The following TRIM8 variants were observed in gnomAD, a reference collection of about 807,000 sequenced individuals.
The protein encoded by TRIM8 is tripartite motif containing 8.
A neutral mutation model predicts 55.7 loss-of-function variants in TRIM8; 9 were observed. The ratio of observed to expected loss-of-function variants is 0.16; its 90% CI spans 0.10 to 0.28. TRIM8 has a LOEUF of 0.28. Among genes scored for constraint, TRIM8 ranks in the 10% least tolerant of loss-of-function variants. TRIM8 has a pLI of 1.00. For missense variants in TRIM8, 556 were observed against 736.4 expected (o/e 0.76, Z 2.83); for synonymous variants, 335 against 333.3 (o/e 1.01, Z -0.06).
Position 102,644,587 on chromosome 10 carries a change from G to C in TRIM8, c.-31G>C. 6.2e-7 allele frequency: 1 copy of C among 1,600,386 alleles called. No individual in the cohort carries two copies. The highest frequency in any genetic ancestry group is 8.5e-7 in the Non-Finnish European group (1 of 1,174,428). ...ACCCCCGGGGCTGGGGAGTCGGGGA[G>C]GCCTGCCCCGGCCCCCTGCCCGCGG... is the stretch of plus-strand genomic sequence containing the variant. On this transcript the variant is annotated 5_prime_UTR_variant, in exon 1 of 6. Coordinates refer to ENST00000643721, the MANE Select transcript of TRIM8 (RefSeq NM_030912.3).
At chr10:102,646,095 G>A (rs1298100326) in intron 1 of TRIM8, among the ~76,000 whole-genome samples, 2 of 152,164 alleles carry the variant, frequency 1.3e-5, no homozygotes, top group Non-Finnish European at 2.9e-5. Context: ...CTGCGGCCGC[G>A]GCCAATGTCA....
intron 1 of TRIM8, chr10:102,649,126 T>C (rs2063960641): frequency 6.6e-6 from 1 of 152,288 alleles, no homozygotes; most frequent in Non-Finnish European, 1.5e-5. Context: ...CTCACATGGG[T>C]GTCTCTGAGA....
At chr10:102,655,962 C>T in intron 3 of TRIM8, 144 bp from the exon 4 acceptor site, 1 of 1,206,172 alleles carries the variant, frequency 8.3e-7, no homozygotes, top group Non-Finnish European at 1.2e-6. Flanking sequence ...ATGGCCACCC[C>T]TACCCCTGCC....
At position 102,650,309 on chromosome 10, in the gene TRIM8, T is replaced by TTTCCTGGGG. The variant is rs1483621933; in HGVS notation, c.571-4344_571-4343insTTCCTGGGG. Among the ~76,000 whole-genome samples the TTTCCTGGGG allele has an allele frequency of 3.3e-5, 5 of 152,152 alleles. No homozygotes were observed. In the East Asian group the frequency reaches 9.6e-4, roughly 29 times the overall value. On this transcript the variant is annotated intron_variant, in intron 1 of 5. Coordinates refer to ENST00000643721, the MANE Select transcript of TRIM8 (RefSeq NM_030912.3). ...TTTCCTGGGGCAGGAATGTAGGGGC[T>TTTCCTGGGG]CAGGGTTCGCTGCTCCAGGCCGGGA...
intron 1 of TRIM8, among the ~76,000 whole-genome samples, chr10:102,653,209 G>T (rs968975961): frequency 1.3e-5 from 2 of 152,182 alleles, no homozygotes; most frequent in African/African-American, 4.8e-5. Context: ...GCCCCACCCC[G>T]TAGCCAGGAC....
Position 102,658,173 on chromosome 10 carries a change from C to A in TRIM8, c.*819C>A, listed in dbSNP as rs2064044349. 6.6e-6 allele frequency: 1 copy of A among 152,212 alleles called. No individual in the cohort carries two copies. The highest frequency in any genetic ancestry group is 6.5e-5 in the Admixed American group (1 of 15,268). 9.4% of individuals were successfully genotyped at this position (152,212 alleles called of 1,614,324 possible). A position where few individuals can be genotyped will look rare whatever the true frequency, so the allele number is the denominator to read the frequency against. On this transcript the variant is annotated 3_prime_UTR_variant, in exon 6 of 6. Transcript: ENST00000643721. The stretch of plus-strand genomic sequence containing the variant: ...GGGCTGCCCGGAGTTGGGTCCTTGC[C>A]TGGATTTTGACACAGCAACTTCCTG...
At position 102,654,737 on chromosome 10, in the gene TRIM8, C is replaced by T. The variant is rs925748319; in HGVS notation, c.655C>T (p.Arg219Cys). The change falls in exon 2 of 6, where the codon CGC becomes TGC. Residue 219 changes from arginine (R) to cysteine (C), a missense_variant. Coordinates refer to ENST00000643721, the MANE Select transcript of TRIM8 (RefSeq NM_030912.3). ...GCTGTACAAACTCGAGTCAGACAAG[C>T]GCCTGGTGGAGGTAGCTAAGCCCAA... ...DQLYKLESDK[R>C]LVEEKVNQLK... The T allele has an allele frequency of 6.8e-6, 11 of 1,613,860 alleles. No individual in the cohort carries two copies. Among genetic ancestry groups the T allele is most frequent in the Non-Finnish European group, 9.3e-6 (11 of 1,179,750 alleles).
At position 102,658,046 on chromosome 10, in the gene TRIM8, A is replaced by G. The variant is rs1215566860; in HGVS notation, c.*692A>G. ...AGGAACTTTGCCAATGATAGTGACC[A>G]CAGCAAAAGCAAATAATAATAATAT... is the stretch of plus-strand genomic sequence containing the variant. On this transcript the variant is annotated 3_prime_UTR_variant, in exon 6 of 6. Transcript: ENST00000643721. 6.6e-6 allele frequency: 1 copy of G among 152,438 alleles called. No homozygotes were observed. The highest frequency in any genetic ancestry group is 1.5e-5 in the Non-Finnish European group (1 of 68,022). 9.4% of individuals were successfully genotyped at this position (152,438 alleles called of 1,614,324 possible). A position where few individuals can be genotyped will look rare whatever the true frequency, so the allele number is the denominator to read the frequency against.
At position 102,656,943 on chromosome 10, in the gene TRIM8, C is replaced by G. The variant is rs987663893; in HGVS notation, c.1245C>G (p.Pro415=). 1.2e-6 allele frequency: 2 copies of G among 1,610,452 alleles called. No individual in the cohort carries two copies. Among genetic ancestry groups the G allele is most frequent in the Non-Finnish European group, 1.7e-6 (2 of 1,178,420 alleles). The change falls in exon 6 of 6, where the codon CCC becomes CCG. Residue 415 remains proline (P), a synonymous_variant. Coordinates refer to ENST00000643721, the MANE Select transcript of TRIM8 (RefSeq NM_030912.3). The surrounding 1 kb of genome is among the most constrained non-coding windows in gnomAD (Gnocchi z 4.6). The part of the protein sequence containing the change: ...TASGEGQSGQ[P]LGPCSSTQHL... ...GCGGTGAGGGCCAGTCTGGGCAGCC[C>G]CTGGGGCCCTGCAGCTCCACGCAGC...
At chr10:102,653,036 T>A (rs1019259471) in intron 1 of TRIM8, among the ~76,000 whole-genome samples, 4 of 152,212 alleles carry the variant, frequency 2.6e-5, no homozygotes, top group Non-Finnish European at 5.9e-5. Context: ...CGACCTCAGG[T>A]GATCCGCCTG....
chr10:102,650,537 G>C (rs572301166), intron 1 of TRIM8, among the ~76,000 whole-genome samples: 1 of 152,300 alleles, frequency 6.6e-6, no homozygotes, highest in East Asian at 1.9e-4. Context: ...GGTGGCCTGG[G>C]GCCTCCAGAG....
At position 102,656,978 on chromosome 10, in the gene TRIM8, C is replaced by T. The variant is rs768556652; in HGVS notation, c.1280C>T (p.Ala427Val). 6.2e-7 allele frequency: 1 copy of T among 1,612,516 alleles called. No individual in the cohort carries two copies. The highest frequency in any genetic ancestry group is 8.5e-7 in the Non-Finnish European group (1 of 1,179,672). ...TGCAGCTCCACGCAGCACTTGGTGG[C>T]CCTGCCGGGCGGCGCCCAACCAGTG... ...GPCSSTQHLV[A>V]LPGGAQPVHS... is the part of the protein sequence containing the mutation. The change falls in exon 6 of 6, where the codon GCC becomes GTC. Residue 427 changes from alanine (A) to valine (V), a missense_variant. Physicochemically the swap from Ala to Val is moderately conservative, Grantham distance 64. Around this residue, in one of 2 missense-constraint regions of TRIM8, gnomAD observed 391 missense variants for 441.0 expected, o/e 0.89. Transcript: ENST00000643721. This position sits in a 1 kb window ranked among gnomAD's most constrained non-coding sequence, Gnocchi z 4.6.
rs201926147 is a variant in TRIM8, at chr10:102,656,161, C to T, written c.932+24C>T. The T allele has an allele frequency of 6.2e-7, 1 of 1,614,140 alleles. No homozygotes were observed. The highest frequency in any genetic ancestry group is 8.5e-7 in the Non-Finnish European group (1 of 1,180,014). ...AGGTAAGCTGAGGGCCCTAGCCCTC[C>T]CGGGGGCACATCCTGGGGAGGGCAG... On this transcript the variant is annotated intron_variant, in intron 4 of 5. Transcript: ENST00000643721. The surrounding 1 kb of genome is among the most constrained non-coding windows in gnomAD (Gnocchi z 4.6).
chr10:102,657,267 C>T lies in TRIM8; in HGVS notation c.1569C>T (p.Asp523=). ...PQSLPSLAVR[D]WLDASQQPGH... ...CCCTTCCCAGCCTGGCGGTCAGAGA[C>T]TGGCTTGACGCCTCCCAGCAGCCCG... The change falls in exon 6 of 6, where the codon GAC becomes GAT. Residue 523 remains aspartate, a synonymous_variant. Transcript: ENST00000643721. 1 of 1,614,002 alleles carries T rather than the reference C, an allele frequency of 6.2e-7. No individual in the cohort carries two copies. Among genetic ancestry groups the T allele is most frequent in the Non-Finnish European group, 8.5e-7 (1 of 1,179,960 alleles).
At position 102,644,932 on chromosome 10, in the gene TRIM8, G is replaced by A. The variant is rs1334648055; in HGVS notation, c.315G>A (p.Lys105=). 6 of 1,603,102 alleles carry A rather than the reference G, an allele frequency of 3.7e-6. No homozygotes were observed. The highest frequency in any genetic ancestry group is 5.1e-6 in the Non-Finnish European group (6 of 1,175,160). The change falls in exon 1 of 6, where the codon AAG becomes AAA. Residue 105 remains lysine, a synonymous_variant. Transcript: ENST00000643721. ...GCGGCCCCCCGCTGCCCGCGCAGAA[G>A]GTCTGCCTGCGCTGCGAGGCGCCCT... ...CRRGPPLPAQ[K]VCLRCEAPCC...
Position 102,656,776 on chromosome 10 carries a change from C to G in TRIM8, c.1078C>G (p.Gln360Glu). ...GPFSTPVPFL[Q>E]SVPLYPCGVS... is the part of the protein sequence containing the mutation. ...CTTCAGCACGCCGGTGCCCTTCCTG[C>G]AGAGTGTCCCCCTGTACCCTTGCGG... is the stretch of plus-strand genomic sequence containing the variant. Residue 360 changes from glutamine to glutamate, a missense_variant, in exon 6 of 6, where the codon CAG becomes GAG. By Grantham distance (29) the Gln-to-Glu change is conservative (BLOSUM62 2). Around this residue, in one of 2 missense-constraint regions of TRIM8, gnomAD observed 391 missense variants for 441.0 expected, o/e 0.89. Transcript: ENST00000643721. The surrounding 1 kb of genome is among the most constrained non-coding windows in gnomAD (Gnocchi z 4.6). 4.6e-6 allele frequency: 7 copies of G among 1,513,370 alleles called. No individual in the cohort carries two copies. Among genetic ancestry groups the G allele is most frequent in the Non-Finnish European group, 6.2e-6 (7 of 1,131,604 alleles). 93.7% of individuals were successfully genotyped at this position (1,513,370 alleles called of 1,614,324 possible).
At chr10:102,647,342 G>A (rs1030291331) in intron 1 of TRIM8, among the ~76,000 whole-genome samples, 30 of 152,196 alleles carry the variant, frequency 2.0e-4, no homozygotes, top group East Asian at 1.7e-3. Flanking sequence ...AATTCTGTGC[G>A]TTCAGCAGCT....
At chr10:102,649,574 G>A (rs984526654) in intron 1 of TRIM8, among the ~76,000 whole-genome samples, 3 of 152,228 alleles carry the variant, frequency 2.0e-5, no homozygotes, top group African/African-American at 7.2e-5. Context: ...GCCAGACAAA[G>A]GGGGGCTTTC....
rs1022109640 is a variant in TRIM8 at position 102,657,635 on chromosome 10, T to G, written c.*281T>G. 6.3e-5 allele frequency: 22 copies of G among 347,548 alleles called. No individual in the cohort carries two copies. The highest frequency in any genetic ancestry group is 3.4e-4 in the African/African-American group (16 of 47,064). The allele number at this position is 347,548 out of a possible 1,614,324, so 21.5% of individuals were successfully genotyped here. On this transcript the variant is annotated 3_prime_UTR_variant, in exon 6 of 6. Coordinates refer to ENST00000643721, the MANE Select transcript of TRIM8 (RefSeq NM_030912.3). ...AAGTGTCTGTGTCGAGGCGCTGAGC[T>G]CTCTCTCTGTTTCTCCTTTTTTCCT...
Sources: gnomAD v4.1 joint callset for allele counts (sites outside exome capture counted in the v4.1 genomes callset) on GRCh38, gnomAD v4.1.1 for gene constraint, gnomAD v4.1.1 regional missense constraint, Gnocchi (gnomAD v3.1) non-coding constraint, MANE v1.5 for transcripts, NCBI Gene and HGNC (gene_info 2026-07-23, HGNC 2026-07-21) for gene names.